SLC27A2: variants seen among roughly 807,000 people sequenced by gnomAD.
SLC27A2 encodes solute carrier family 27 member 2.
SLC27A2 carries 54 observed loss-of-function variants against 60.0 expected under a neutral mutation model. The observed-to-expected ratio is 0.90, with a 90% CI of 0.72 to 1.13. The LOEUF (loss-of-function observed/expected upper bound fraction) is 1.13. Ranked by LOEUF, SLC27A2 falls within the 50% of genes most tolerant of loss-of-function variation. The probability of loss-of-function intolerance (pLI) is 0.00; values close to 1 mark genes in which losing one functional copy is unlikely to be tolerated. For missense variants in SLC27A2, 739 were observed against 777.6 expected, an observed-to-expected ratio of 0.95 and a Z score of 0.59; for synonymous variants, 297 against 297.6, an observed-to-expected ratio of 1.00 and a Z score of 0.02.
At position 50,205,375 on chromosome 15, in the gene SLC27A2, C is replaced by T. The variant is rs755279831; in HGVS notation, c.972+12C>T. 1.3e-6 allele frequency: 2 copies of T among 1,597,270 alleles called. No homozygotes were observed. Among genetic ancestry groups the T allele is most frequent in the Non-Finnish European group, 8.6e-7 (1 of 1,168,406 alleles). The stretch of plus-strand genomic sequence containing the variant: ...GCAACTCACCACAGGTAACACTCCC[C>T]CCGTTTTACTATCATTTTGAAATGG... On this transcript the variant is annotated intron_variant, in intron 4 of 9. Transcript: ENST00000267842.
At chr15:50,184,964 T>A (rs1346802602) in intron 1 of SLC27A2, among the ~76,000 whole-genome samples, 1 of 152,236 alleles carries the variant, frequency 6.6e-6, no homozygotes, top group Non-Finnish European at 1.5e-5. Context: ...ACTTTGTAAC[T>A]AGAAGACTCT....
rs1330328116 is a variant in SLC27A2 at position 50,182,205 on chromosome 15, C to G, written c.-223C>G. On this transcript the variant is annotated 5_prime_UTR_variant, in exon 1 of 10. Coordinates refer to ENST00000267842, the MANE Select transcript of SLC27A2 (RefSeq NM_003645.4). ...GCGGGCTCAGCCGGCCAGTCCTGCC[C>G]GGAACCCCCGGCAACGCGCATACGA... The G allele has an allele frequency of 3.3e-6, 2 of 608,230 alleles. No homozygotes were observed. Among genetic ancestry groups the G allele is most frequent in the Non-Finnish European group, 4.7e-6 (2 of 427,556 alleles). The allele number at this position is 608,230 out of a possible 1,614,324, so 37.7% of individuals were successfully genotyped here.
At chr15:50,220,866 T>A (rs575145338) in intron 4 of SLC27A2, among the ~76,000 whole-genome samples, 1 of 152,234 alleles carries the variant, frequency 6.6e-6, no homozygotes, top group African/African-American at 2.4e-5. Flanking sequence ...GGGAGCTTGG[T>A]AATTATAAAG....
At chr15:50,191,287 C>T (rs2044971700) in intron 1 of SLC27A2, among the ~76,000 whole-genome samples, 1 of 152,194 alleles carries the variant, frequency 6.6e-6, no homozygotes, top group South Asian at 2.1e-4. Context: ...ACCCAGATCC[C>T]TGCTTTAGGA....
In SLC27A2 at chr15:50,202,537, G is replaced by T; in HGVS notation, c.739G>T (p.Gly247Cys). ...ITHQRIWYGT[G>C]LTFVSGLKAD... The stretch of plus-strand genomic sequence containing the variant: ...TCATCAGCGCATATGGTATGGAACT[G>T]GCCTCACTTTTGTAAGCGGATTGAA... Residue 247 changes from glycine to cysteine, a missense_variant, in exon 3 of 10, where the codon GGC becomes TGC. Coordinates refer to ENST00000267842, the MANE Select transcript of SLC27A2 (RefSeq NM_003645.4). 6.2e-7 allele frequency: 1 copy of T among 1,614,074 alleles called. No homozygotes were observed.
intron 1 of SLC27A2, among the ~76,000 whole-genome samples, chr15:50,194,632 G>C (rs2044999755): frequency 6.6e-6 from 1 of 152,136 alleles, no homozygotes; most frequent in African/African-American, 2.4e-5. Flanking sequence ...TCAAGGGCAG[G>C]ACATTGGTCA....
chr15:50,184,653 T>C (rs1295418619), intron 1 of SLC27A2, among the ~76,000 whole-genome samples: 2 of 150,930 alleles, frequency 1.3e-5, no homozygotes, highest in African/African-American at 4.9e-5. Flanking sequence ...CTGGCCAACA[T>C]AGCAAAAACC....
At chr15:50,226,889 C>A in intron 6 of SLC27A2, 91 bp from the exon 7 acceptor site, 1 of 1,008,996 alleles carries the variant, frequency 9.9e-7, no homozygotes, top group South Asian at 1.6e-5. Context: ...AGCTTGTTGC[C>A]AGCAGGTTGT....
chr15:50,233,807 GAACT>G (rs199563798), intron 8 of SLC27A2, 57 bp from the exon 9 acceptor site: 32,229 of 1,448,374 alleles, frequency 0.022, 400 homozygotes, highest in Non-Finnish European at 0.026. Flanking sequence ...ACAGTTCTTT[GAACT>G]AATAAAGCAT....
In SLC27A2 at chr15:50,197,634, C is replaced by T. The variant is rs964605180; in HGVS notation, c.613C>T (p.Pro205Ser). Reference sequence around the variant, plus strand: ...CAAAGTGGATGAAGTATCAACTGAACCTATCCCAGAGTCATGGAGGTCTGA... The same window carrying T: ...CAAAGTGGATGAAGTATCAACTGAATCTATCCCAGAGTCATGGAGGTCTGA... ...LDKVDEVSTE[P>S]IPESWRSEVT... The change falls in exon 2 of 10, where the codon CCT becomes TCT. Residue 205 changes from proline (P) to serine (S), a missense_variant. By Grantham distance (74) the Pro-to-Ser change is moderately conservative (BLOSUM62 -1). Coordinates refer to ENST00000267842, the MANE Select transcript of SLC27A2 (RefSeq NM_003645.4). The T allele has an allele frequency of 6.2e-7, 1 of 1,613,998 alleles. No homozygotes were observed. Among genetic ancestry groups the T allele is most frequent in the Non-Finnish European group, 8.5e-7 (1 of 1,179,930 alleles).
intron 4 of SLC27A2, among the ~76,000 whole-genome samples, chr15:50,215,842 G>A (rs573158266): frequency 2.6e-4 from 39 of 152,146 alleles, no homozygotes; most frequent in African/African-American, 9.1e-4. Context: ...AACCTGACAC[G>A]CGAAACTATA....
intron 4 of SLC27A2, among the ~76,000 whole-genome samples, chr15:50,213,986 AC>A (rs769383118): frequency 4.5e-5 from 6 of 132,976 alleles, no homozygotes; most frequent in Non-Finnish European, 9.8e-5. Flanking sequence ...TGAAATTGAA[AC>A]AAACAAACAA....
At chr15:50,197,756 T>C (rs771163032) in intron 2 of SLC27A2, 47 bp downstream of exon 2, 2 of 1,384,532 alleles carry the variant, frequency 1.4e-6, no homozygotes, top group South Asian at 2.3e-5. Context: ...CTGAAGGAGT[T>C]AAATGTTGAC....
chr15:50,200,442 T>C (rs1000281982), intron 2 of SLC27A2, among the ~76,000 whole-genome samples: 5 of 141,274 alleles, frequency 3.5e-5, no homozygotes, highest in Non-Finnish European at 7.8e-5. Flanking sequence ...ATAATAATAA[T>C]ACATAAAACA....
chr15:50,197,812 A>C, intron 2 of SLC27A2, 103 bp downstream of exon 2: 1 of 750,716 alleles, frequency 1.3e-6, no homozygotes, highest in East Asian at 2.6e-5. Context: ...TTGGGTAACT[A>C]ATACTTCAGG....
intron 1 of SLC27A2, among the ~76,000 whole-genome samples, chr15:50,191,912 T>C (rs2044977191): frequency 6.6e-6 from 1 of 151,758 alleles, no homozygotes; most frequent in Non-Finnish European, 1.5e-5. Flanking sequence ...ATACAAACAT[T>C]AGCCGGGCAT....
Position 50,223,060 on chromosome 15 carries a change from A to T in SLC27A2, c.1068A>T (p.Ile356=), listed in dbSNP as rs993188009. Residue 356 remains isoleucine (I), a synonymous_variant, in exon 5 of 10, where the codon ATA becomes ATT. Transcript: ENST00000267842. ...WRQFVKRFGD[I]CIYEFYAATE... ...AATTTGTCAAGAGATTTGGGGACAT[A>T]TGCATCTATGAGTTCTATGCTGCCA... 3.1e-6 allele frequency: 5 copies of T among 1,613,970 alleles called. No individual in the cohort carries two copies. Among genetic ancestry groups the T allele is most frequent in the South Asian group, 1.1e-5 (1 of 91,066 alleles).
chr15:50,199,442 C>T (rs1212361309), intron 2 of SLC27A2, among the ~76,000 whole-genome samples: 2 of 144,520 alleles, frequency 1.4e-5, no homozygotes, highest in Non-Finnish European at 3.0e-5. Context: ...TGCGCCACTG[C>T]ACTCCAGCCT....
intron 1 of SLC27A2, among the ~76,000 whole-genome samples, chr15:50,195,446 G>T (rs1386790619): frequency 6.6e-6 from 1 of 151,924 alleles, no homozygotes; most frequent in African/African-American, 2.4e-5. Context: ...AGCCGAGATC[G>T]CGCCACTGCA....
Sources: allele counts gnomAD v4.1 joint callset (sites outside exome capture counted in the v4.1 genomes callset), GRCh38; gene constraint gnomAD v4.1.1; transcripts MANE v1.5; gene names NCBI Gene and HGNC (gene_info 2026-07-23, HGNC 2026-07-21).